Variants in GLYATL1 observed in about 807,000 individuals in gnomAD.
GLYATL1 encodes the protein glycine-N-acyltransferase like 1, also known as glycine N-acyltransferase-like protein 1.
GLYATL1 carries 15 observed loss-of-function variants against 20.0 expected under a neutral mutation model. That is an observed-to-expected ratio of 0.75 (90% CI 0.50 to 1.15). The LOEUF (loss-of-function observed/expected upper bound fraction) is 1.15. GLYATL1 is among the 50% of genes most tolerant of loss of function. GLYATL1 has a pLI of 0.00. For missense variants in GLYATL1, 380 were observed against 368.5 expected (o/e 1.03, Z -0.26); for synonymous variants, 151 against 131.5 (o/e 1.15, Z -1.01).
intron 4 of GLYATL1, among the ~76,000 whole-genome samples, chr11:58,949,843 A>C (rs1318779488): frequency 1.3e-5 from 2 of 152,064 alleles, no homozygotes; most frequent in Non-Finnish European, 2.9e-5. Context: ...ATTTATCTAG[A>C]AAAAAATTAA....
downstream of GLYATL1, among the ~76,000 whole-genome samples, chr11:58,912,597 T>C (rs146838797): frequency 1.7e-4 from 26 of 152,336 alleles, no homozygotes; most frequent in African/African-American, 6.3e-4. Context: ...GTCAAGATAA[T>C]AAGTTATTGG....
Position 58,956,014 on chromosome 11 carries a change from T to C in GLYATL1, c.896T>C (p.Leu299Pro). Residue 299 changes from leucine to proline, a missense_variant, in exon 7 of 7, where the codon CTA becomes CCA. Leu to Pro is a moderately conservative substitution (Grantham distance 98). Transcript: ENST00000532726. ...WHQWTCYPQN[L>P]VPF ...CAATGGACTTGCTACCCACAGAATCTAGTTCCATTTTAGACAATGAAGCTG... is the reference window on the plus strand; with the variant it reads ...CAATGGACTTGCTACCCACAGAATCCAGTTCCATTTTAGACAATGAAGCTG... The C allele has an allele frequency of 1.2e-6, 2 of 1,610,658 alleles. No individual in the cohort carries two copies. The highest frequency in any genetic ancestry group is 1.7e-6 in the Non-Finnish European group (2 of 1,177,130).
At chr11:58,916,080 C>T (rs1044992551) in intron 1 of GLYATL1, among the ~76,000 whole-genome samples, 5 of 152,158 alleles carry the variant, frequency 3.3e-5, no homozygotes, top group Non-Finnish European at 1.5e-5. Flanking sequence ...TTCCCACAAC[C>T]TTGGAAAGGA....
intron 1 of GLYATL1, among the ~76,000 whole-genome samples, chr11:58,905,931 G>C (rs1854866053): frequency 6.6e-6 from 1 of 152,226 alleles, no homozygotes; most frequent in African/African-American, 2.4e-5. Flanking sequence ...AGCCTCCAGA[G>C]ACTCTTCGTC....
At chr11:58,953,390 G>GTTTTTTTTTTTTTTTT (rs377318573) in intron 4 of GLYATL1, among the ~76,000 whole-genome samples, 3 of 110,974 alleles carry the variant, frequency 2.7e-5, no homozygotes, top group East Asian at 2.6e-4. Context: ...CTTACAGTCT[G>GTTTTTTTTTTTTTTTT]TTTTTTTTTT....
chr11:58,947,475 G>T, intron 3 of GLYATL1: 1 of 474,070 alleles, frequency 2.1e-6, no homozygotes, highest in Non-Finnish European at 3.8e-6. Flanking sequence ...ATGGCTTTGT[G>T]GATGTTTCTT....
upstream of GLYATL1, among the ~76,000 whole-genome samples, chr11:58,936,698 A>G (rs911512487): frequency 6.6e-6 from 1 of 152,266 alleles, no homozygotes; most frequent in South Asian, 2.1e-4. Context: ...GATTTGTAGT[A>G]TAGCCAAAGT....
chr11:58,953,201 A>T (rs148218751), intron 4 of GLYATL1, among the ~76,000 whole-genome samples: 28 of 152,240 alleles, frequency 1.8e-4, no homozygotes, highest in African/African-American at 6.3e-4. Context: ...TTCATTTCTG[A>T]TATTTTCTAT....
intron 2 of GLYATL1, among the ~76,000 whole-genome samples, chr11:58,945,142 G>T (rs773692186): frequency 9.9e-5 from 15 of 151,460 alleles, no homozygotes; most frequent in Non-Finnish European, 1.9e-4. Flanking sequence ...TGACAAAAAG[G>T]CTCTGGAAAT....
chr11:58,912,758 A>C (rs1034243509), downstream of GLYATL1, among the ~76,000 whole-genome samples: 1 of 152,208 alleles, frequency 6.6e-6, no homozygotes, highest in South Asian at 2.1e-4. Context: ...CCCCTCAGTC[A>C]GCAAACTTTA....
chr11:58,932,048 G>T (rs1342255707), intron 1 of GLYATL1, among the ~76,000 whole-genome samples: 1 of 128,252 alleles, frequency 7.8e-6, no homozygotes, highest in Non-Finnish European at 1.6e-5. Flanking sequence ...GGATGTGGAG[G>T]TTGCAGTGAA....
At chr11:58,921,017 C>T (rs556529642) in intron 1 of GLYATL1, among the ~76,000 whole-genome samples, 15 of 152,198 alleles carry the variant, frequency 9.9e-5, no homozygotes, top group Non-Finnish European at 1.5e-4. Context: ...TTAGTTAGGT[C>T]TGGCAGTCCC....
In GLYATL1 at chr11:58,955,780, T is replaced by A. The variant is rs1857368920; in HGVS notation, c.662T>A (p.Val221Glu). The change falls in exon 7 of 7, where the codon GTA (valine) becomes GAA (glutamate). Residue 221 changes from valine (V) to glutamate (E), a missense_variant. Val to Glu is a moderately radical substitution (Grantham distance 121, BLOSUM62 -2). Coordinates refer to ENST00000532726, the MANE Select transcript of GLYATL1 (RefSeq NM_001389712.2). ...LGPEGVPVSW[V>E]TMDPSCEVGM... ...CCAGAGGGAGTCCCGGTCTCATGGG[T>A]AACCATGGACCCTTCTTGTGAAGTA... is the stretch of plus-strand genomic sequence containing the variant. The A allele has an allele frequency of 1.2e-6, 2 of 1,614,134 alleles. No individual in the cohort carries two copies. The highest frequency in any genetic ancestry group is 1.7e-6 in the Non-Finnish European group (2 of 1,180,014).
At chr11:58,909,058 C>G (rs560484963), downstream of GLYATL1, among the ~76,000 whole-genome samples, 11 of 152,060 alleles carry the variant, frequency 7.2e-5, no homozygotes, top group African/African-American at 2.2e-4. Context: ...CTATTTTGTT[C>G]AAAATATGGA....
At chr11:58,917,539 T>C (rs1855204296) in intron 1 of GLYATL1, among the ~76,000 whole-genome samples, 1 of 152,230 alleles carries the variant, frequency 6.6e-6, no homozygotes, top group South Asian at 2.1e-4. Context: ...TAACTCAGGA[T>C]TACATGTGAC....
At chr11:58,954,729 A>G (rs1857252025) in intron 4 of GLYATL1, 41 bp from the exon 5 acceptor site, 1 of 1,523,962 alleles carries the variant, frequency 6.6e-7, no homozygotes, top group African/African-American at 1.4e-5. Context: ...GGTGAAGAAA[A>G]AGTTCAAGGG....
chr11:58,922,027 T>C (rs1855320531), intron 1 of GLYATL1, among the ~76,000 whole-genome samples: 1 of 152,222 alleles, frequency 6.6e-6, no homozygotes, highest in Non-Finnish European at 1.5e-5. Context: ...ATTGCCTTTT[T>C]CCTGTCATCT....
At chr11:58,913,570 G>T (rs561996224), downstream of GLYATL1, among the ~76,000 whole-genome samples, 2 of 152,106 alleles carry the variant, frequency 1.3e-5, no homozygotes, top group Non-Finnish European at 2.9e-5. Flanking sequence ...TATGTCACAG[G>T]CACCAAGGAT....
At chr11:58,953,390 G>GTTTTT (rs377318573) in intron 4 of GLYATL1, among the ~76,000 whole-genome samples, 6 of 110,966 alleles carry the variant, frequency 5.4e-5, no homozygotes, top group Admixed American at 1.8e-4. Flanking sequence ...CTTACAGTCT[G>GTTTTT]TTTTTTTTTT....
Sources: allele counts gnomAD v4.1 joint callset (sites outside exome capture counted in the v4.1 genomes callset), GRCh38; gene constraint gnomAD v4.1.1; transcripts MANE v1.5; gene names NCBI Gene and HGNC (gene_info 2026-07-23, HGNC 2026-07-21).